The following ALK variants were observed in gnomAD, a reference collection of about 807,000 sequenced individuals.
ALK encodes the protein ALK tyrosine kinase receptor.
A neutral mutation model predicts 163.1 loss-of-function variants in ALK; 74 were observed. The observed-to-expected ratio is 0.45, with a 90% CI of 0.38 to 0.55. The LOEUF (loss-of-function observed/expected upper bound fraction) is 0.55. Among genes scored for constraint, ALK ranks in the 20% least tolerant of loss-of-function variants. The pLI, the probability that ALK is intolerant of heterozygous loss-of-function variation, is 0.00. For missense variants in ALK, 2,063 were observed against 2,105.3 expected (o/e 0.98, Z 0.39); for synonymous variants, 960 against 843.2 (o/e 1.14, Z -2.40).
chr2:29,916,450 G>A (rs1286639284), intron 1 of ALK, among the ~76,000 whole-genome samples: 1 of 152,096 alleles, frequency 6.6e-6, no homozygotes, highest in Non-Finnish European at 1.5e-5. Context: ...TCAGCTCTCT[G>A]CTCTTCTCTG....
intron 4 of ALK, among the ~76,000 whole-genome samples, chr2:29,513,776 C>G (rs1672585781): frequency 6.8e-6 from 1 of 146,512 alleles, no homozygotes; most frequent in Non-Finnish European, 1.5e-5. Context: ...TATCCAGAAT[C>G]TACAATGAAC....
chr2:29,561,362 AAGTTGCCC>A, intron 3 of ALK, among the ~76,000 whole-genome samples: 1 of 152,226 alleles, frequency 6.6e-6, no homozygotes, highest in East Asian at 1.9e-4. Context: ...AAAAAGGGGG[AAGTTGCCC>A]AGTTTGTAGC....
chr2:29,689,560 G>C lies in ALK; in HGVS notation c.952+5290C>G, dbSNP rs140178316. 4.5e-3 allele frequency among the ~76,000 whole-genome samples: 680 copies of C among 152,228 alleles called. 9 individuals carry two copies. Among genetic ancestry groups the C allele is most frequent in the African/African-American group, 0.015 (621 of 41,554 alleles). Reference sequence around the variant, plus strand: ...CTGAACCTGTCTAATCAGACTTCCTGAAGGGTCTAAGAATTCACAGTCCAC... The same window carrying C: ...CTGAACCTGTCTAATCAGACTTCCTCAAGGGTCTAAGAATTCACAGTCCAC... On this transcript the variant is annotated intron_variant, in intron 3 of 28. Transcript: ENST00000389048.
intron 3 of ALK, among the ~76,000 whole-genome samples, chr2:29,622,026 A>ATTTATGT (rs1326212626): frequency 1.3e-5 from 2 of 152,208 alleles, no homozygotes; most frequent in African/African-American, 4.8e-5. Context: ...GCCACAGTAC[A>ATTTATGT]GGCTAACCTC....
chr2:29,451,310 T>G (rs1180892909), intron 4 of ALK, among the ~76,000 whole-genome samples: 1 of 152,136 alleles, frequency 6.6e-6, no homozygotes, highest in Admixed American at 6.5e-5. Context: ...TGACCAATCT[T>G]TCTTAAGCAC....
At chr2:29,749,701 C>A (rs1182236139) in intron 1 of ALK, among the ~76,000 whole-genome samples, 3 of 152,150 alleles carry the variant, frequency 2.0e-5, no homozygotes, top group African/African-American at 4.8e-5. Context: ...CATCTCCAAC[C>A]CCCTGAGCCC....
At chr2:29,827,786 T>G (rs1040913620) in intron 1 of ALK, among the ~76,000 whole-genome samples, 16 of 152,170 alleles carry the variant, frequency 1.1e-4, no homozygotes, top group Non-Finnish European at 1.6e-4. Flanking sequence ...AAGCTACCAA[T>G]GACTTTCTTC....
At chr2:29,755,455 C>T (rs972583965) in intron 1 of ALK, among the ~76,000 whole-genome samples, 1 of 152,196 alleles carries the variant, frequency 6.6e-6, no homozygotes, top group Admixed American at 6.5e-5. Context: ...TACCACAGCA[C>T]CTATTTCTGC....
At chr2:29,209,751 G>T in intron 25 of ALK, 35 bp downstream of exon 25, 1 of 1,525,574 alleles carries the variant, frequency 6.6e-7, no homozygotes. Flanking sequence ...AGGTGGAAGA[G>T]ACAGGCCCGG....
intron 3 of ALK, among the ~76,000 whole-genome samples, chr2:29,635,068 C>T (rs796858209): frequency 1.2e-4 from 19 of 152,234 alleles, no homozygotes; most frequent in African/African-American, 4.6e-4. Flanking sequence ...AGGCTTAAAT[C>T]TAACAAAACC....
intron 4 of ALK, among the ~76,000 whole-genome samples, chr2:29,442,512 C>T (rs1670571155): frequency 6.6e-6 from 1 of 152,106 alleles, no homozygotes; most frequent in African/African-American, 2.4e-5. Context: ...CCAGCTCTGC[C>T]ACAATGACCT....
At chr2:29,886,725 C>A (rs1041511532) in intron 1 of ALK, among the ~76,000 whole-genome samples, 1 of 152,236 alleles carries the variant, frequency 6.6e-6, no homozygotes, top group African/African-American at 2.4e-5. Context: ...TATATCACCC[C>A]TTTTGGCCTC....
chr2:29,855,913 C>T lies in ALK; in HGVS notation c.667+64080G>A, dbSNP rs10178344. Among the ~76,000 whole-genome samples the T allele has an allele frequency of 4.7e-3, 716 of 152,276 alleles. 3 individuals are homozygous for T. The highest frequency in any genetic ancestry group is 0.016 in the African/African-American group (681 of 41,552). ...AAAGCCAGAAGTATCCTAAAGATCA[C>T]GTTTTGTTTCTTTAATGTGTGACCT... On this transcript the variant is annotated intron_variant, in intron 1 of 28. Coordinates refer to ENST00000389048, the MANE Select transcript of ALK (RefSeq NM_004304.5).
intron 1 of ALK, among the ~76,000 whole-genome samples, chr2:29,844,968 A>T (rs908962893): frequency 1.3e-5 from 2 of 151,656 alleles, no homozygotes; most frequent in South Asian, 4.2e-4. Flanking sequence ...ACTCTTTGAG[A>T]AGCTTATCAC....
intron 1 of ALK, among the ~76,000 whole-genome samples, chr2:29,867,430 T>C (rs1666463337): frequency 6.6e-6 from 1 of 152,186 alleles, no homozygotes; most frequent in Non-Finnish European, 1.5e-5. Context: ...GGAGGCAATT[T>C]GATCAAACGA....
At chr2:29,805,137 T>C (rs930711215) in intron 1 of ALK, among the ~76,000 whole-genome samples, 1 of 152,094 alleles carries the variant, frequency 6.6e-6, no homozygotes, top group Non-Finnish European at 1.5e-5. Flanking sequence ...TCATCACCTA[T>C]TAAATGAAAT....
chr2:29,733,754 G>A (rs1679812718), intron 1 of ALK, among the ~76,000 whole-genome samples: 1 of 152,140 alleles, frequency 6.6e-6, no homozygotes. Context: ...TCCCTATGAG[G>A]GAAACATACA....
intron 11 of ALK, among the ~76,000 whole-genome samples, chr2:29,270,716 G>C (rs968289825): frequency 6.6e-6 from 1 of 152,128 alleles, no homozygotes; most frequent in Non-Finnish European, 1.5e-5. Flanking sequence ...TCCTTGGCTG[G>C]CCAGCTCACT....
intron 1 of ALK, among the ~76,000 whole-genome samples, chr2:29,795,390 CA>C (rs1664283229): frequency 6.6e-6 from 1 of 152,134 alleles, no homozygotes; most frequent in Non-Finnish European, 1.5e-5. Context: ...TCTGGAAGAG[CA>C]TTTTAAAAAA....
Sources: allele counts gnomAD v4.1 joint callset (sites outside exome capture counted in the v4.1 genomes callset), GRCh38; gene constraint gnomAD v4.1.1; transcripts MANE v1.5; gene names NCBI Gene and HGNC (gene_info 2026-07-23, HGNC 2026-07-21).